The following BTRC variants were observed in gnomAD, a reference collection of about 807,000 sequenced individuals.
The protein encoded by BTRC is F-box/WD repeat-containing protein 1A.
A neutral mutation model predicts 85.5 loss-of-function variants in BTRC; 42 were observed. The ratio of observed to expected loss-of-function variants is 0.49; its 90% CI spans 0.38 to 0.64. The LOEUF is 0.64. BTRC is among the 30% of genes least tolerant of loss of function. The pLI is 0.00. For synonymous variants in BTRC, 255 were observed against 263.3 expected, an observed-to-expected ratio of 0.97 and a Z score of 0.30; for missense variants, 594 against 743.5, an observed-to-expected ratio of 0.80 and a Z score of 2.34.
chr10:101,382,884 C>G (rs1942971147), intron 1 of BTRC, among the ~76,000 whole-genome samples: 2 of 151,888 alleles, frequency 1.3e-5, no homozygotes, highest in Non-Finnish European at 2.9e-5. Context: ...CATTTTTGAA[C>G]TTAGACCAAT....
chr10:101,387,752 C>T (rs532584565), intron 1 of BTRC, among the ~76,000 whole-genome samples: 43 of 151,518 alleles, frequency 2.8e-4, no homozygotes, highest in African/African-American at 9.9e-4. Context: ...TGCGGTGGCG[C>T]GATCTCTGCT....
intron 4 of BTRC, among the ~76,000 whole-genome samples, chr10:101,498,974 C>T (rs139256148): frequency 3.9e-4 from 59 of 151,426 alleles, no homozygotes; most frequent in African/African-American, 1.4e-3. Context: ...GCCTGGGCAA[C>T]AAGAGCGAGA....
At chr10:101,405,493 G>A (rs1305249602) in intron 1 of BTRC, among the ~76,000 whole-genome samples, 1 of 152,176 alleles carries the variant, frequency 6.6e-6, no homozygotes, top group African/African-American at 2.4e-5. Flanking sequence ...AGAACTAGAG[G>A]GCTTTTCCTG....
chr10:101,543,135 C>A (rs187363430), intron 13 of BTRC, among the ~76,000 whole-genome samples: 2 of 152,226 alleles, frequency 1.3e-5, no homozygotes, highest in African/African-American at 2.4e-5. Flanking sequence ...ACCTCGGCCT[C>A]CCAAAGTGTT....
chr10:101,366,330 G>T (rs1478244971), intron 1 of BTRC, among the ~76,000 whole-genome samples: 13 of 152,062 alleles, frequency 8.5e-5, no homozygotes, highest in Admixed American at 8.5e-4. Context: ...TATGGGGGCA[G>T]AGGGGGGTGA....
At chr10:101,401,455 A>G (rs1294526634) in intron 1 of BTRC, among the ~76,000 whole-genome samples, 1 of 152,190 alleles carries the variant, frequency 6.6e-6, no homozygotes, top group Non-Finnish European at 1.5e-5. Flanking sequence ...TTAGGTGGGT[A>G]TTAAAAGTGG....
Position 101,534,743 on chromosome 10 carries a change from G to A in BTRC, c.1180G>A (p.Gly394Ser). 1 of 1,614,156 alleles carries A rather than the reference G, an allele frequency of 6.2e-7. No homozygotes were observed. Among genetic ancestry groups the A allele is most frequent in the Non-Finnish European group, 8.5e-7 (1 of 1,180,022 alleles). ...AGTTCTGCACTTGCGTTTCAATAATGGCATGATGGTGACCTGCTCCAAAGA... is the reference window on the plus strand; with the variant it reads ...AGTTCTGCACTTGCGTTTCAATAATAGCATGATGGTGACCTGCTCCAAAGA... ...EAVLHLRFNN[G>S]MMVTCSKDRS... The change falls in exon 10 of 15, where the codon GGC becomes AGC. Residue 394 changes from glycine (G) to serine (S), a missense_variant. By Grantham distance (56) the Gly-to-Ser change is moderately conservative. Coordinates refer to ENST00000370187, the MANE Select transcript of BTRC (RefSeq NM_033637.4).
At chr10:101,505,143 A>ATATATGTGTATATATATGTATG (rs1946494891) in intron 4 of BTRC, among the ~76,000 whole-genome samples, 1 of 48,334 alleles carries the variant, frequency 2.1e-5, no homozygotes, top group African/African-American at 6.4e-5. Flanking sequence ...ATATATGTAT[A>ATATATGTGTATATATATGTATG]TATATATGTA....
intron 2 of BTRC, among the ~76,000 whole-genome samples, chr10:101,442,241 G>A (rs1009804089): frequency 9.0e-6 from 1 of 110,504 alleles, no homozygotes; most frequent in Non-Finnish European, 2.2e-5. Flanking sequence ...CTGGAGTTGC[G>A]ACTGCACTAA....
chr10:101,376,802 C>T (rs1000362042), intron 1 of BTRC, among the ~76,000 whole-genome samples: 2 of 152,118 alleles, frequency 1.3e-5, no homozygotes, highest in Non-Finnish European at 1.5e-5. Flanking sequence ...GGTGCTTTCA[C>T]AACAACATTC....
chr10:101,388,482 G>A (rs1253646288), intron 1 of BTRC, among the ~76,000 whole-genome samples: 1 of 151,510 alleles, frequency 6.6e-6, no homozygotes, highest in Non-Finnish European at 1.5e-5. Flanking sequence ...AGGTGCCACC[G>A]CCCCACCTGT....
chr10:101,512,080 A>T (rs1485280514), intron 4 of BTRC, among the ~76,000 whole-genome samples: 2 of 152,192 alleles, frequency 1.3e-5, no homozygotes, highest in Non-Finnish European at 2.9e-5. Flanking sequence ...ATGCCTGTTC[A>T]CAGCAGTTTC....
intron 4 of BTRC, among the ~76,000 whole-genome samples, chr10:101,504,517 A>G (rs1564811706): frequency 6.6e-6 from 1 of 150,510 alleles, no homozygotes; most frequent in Non-Finnish European, 1.5e-5. Context: ...CTCTTCCTTC[A>G]TCCTTATCCC....
Position 101,539,831 on chromosome 10 carries a change from C to T in BTRC, c.1656+1460C>T, listed in dbSNP as rs191635087. Among the ~76,000 whole-genome samples, 201 of 152,252 alleles carry T rather than the reference C, an allele frequency of 1.3e-3. 1 individual carries two copies. Among genetic ancestry groups the T allele is most frequent in the African/African-American group, 4.4e-3 (184 of 41,542 alleles). On this transcript the variant is annotated intron_variant, in intron 13 of 14. Coordinates refer to ENST00000370187, the MANE Select transcript of BTRC (RefSeq NM_033637.4). Reference sequence around the variant, plus strand: ...AGTTCCAGTTACTCCACATTCTTGCCAGTACTGAGCACAGTCTGTAATTTA... The same window carrying T: ...AGTTCCAGTTACTCCACATTCTTGCTAGTACTGAGCACAGTCTGTAATTTA...
At chr10:101,360,363 G>C (rs1420604479) in intron 1 of BTRC, among the ~76,000 whole-genome samples, 1 of 146,458 alleles carries the variant, frequency 6.8e-6, no homozygotes, top group African/African-American at 2.5e-5. Context: ...CCTAGAGATG[G>C]GATCTGCTTT....
chr10:101,415,973 A>G (rs930402300), intron 1 of BTRC, among the ~76,000 whole-genome samples: 2 of 152,184 alleles, frequency 1.3e-5, no homozygotes, highest in Admixed American at 6.5e-5. Flanking sequence ...CAGGAGCAAT[A>G]TGCTCTACCT....
intron 4 of BTRC, among the ~76,000 whole-genome samples, chr10:101,494,597 TC>T (rs916048371): frequency 6.6e-6 from 1 of 152,222 alleles, no homozygotes; most frequent in African/African-American, 2.4e-5. Flanking sequence ...TTTCTTTCTC[TC>T]ATTTTCCCTC....
chr10:101,478,342 A>G (rs1200141458), intron 3 of BTRC, among the ~76,000 whole-genome samples: 1 of 151,710 alleles, frequency 6.6e-6, no homozygotes, highest in Admixed American at 6.6e-5. Context: ...ATCTTTTTTC[A>G]ATGTTCTTTC....
intron 1 of BTRC, among the ~76,000 whole-genome samples, chr10:101,364,045 G>A (rs1942292789): frequency 6.6e-6 from 1 of 152,028 alleles, no homozygotes; most frequent in Non-Finnish European, 1.5e-5. Flanking sequence ...AGTCAAGCAG[G>A]GCAGGGAGTA....
Sources: gnomAD v4.1 joint callset for allele counts (sites outside exome capture counted in the v4.1 genomes callset) on GRCh38, gnomAD v4.1.1 for gene constraint, MANE v1.5 for transcripts, NCBI Gene and HGNC (gene_info 2026-07-23, HGNC 2026-07-21) for gene names.